The following NR3C2 variants were observed in gnomAD, a reference collection of about 807,000 sequenced individuals.
The protein encoded by NR3C2 is nuclear receptor subfamily 3 group C member 2.
NR3C2 carries 15 observed loss-of-function variants against 86.4 expected under a neutral mutation model. The ratio of observed to expected loss-of-function variants is 0.17; its 90% CI spans 0.12 to 0.27. The LOEUF is 0.27. NR3C2 is among the 10% of genes least tolerant of loss of function. The pLI, the probability that NR3C2 is intolerant of heterozygous loss-of-function variation, is 1.00. For missense variants in NR3C2, 960 were observed against 1,195.6 expected, an observed-to-expected ratio of 0.80 and a Z score of 2.91; for synonymous variants, 458 against 450.5, an observed-to-expected ratio of 1.02 and a Z score of -0.21.
At chr4:148,123,604 G>T (rs555357992) in intron 6 of NR3C2, among the ~76,000 whole-genome samples, 1 of 152,284 alleles carries the variant, frequency 6.6e-6, no homozygotes, top group African/African-American at 2.4e-5. Flanking sequence ...ACCCCCAGTG[G>T]CCCAGCTGTA....
intron 7 of NR3C2, among the ~76,000 whole-genome samples, 153 bp downstream of exon 7, chr4:148,120,005 A>G (rs1272943129): frequency 6.6e-6 from 1 of 152,166 alleles, no homozygotes; most frequent in African/African-American, 2.4e-5. Flanking sequence ...TTAGTTCATC[A>G]AAGGTCAAAG....
intron 6 of NR3C2, among the ~76,000 whole-genome samples, chr4:148,140,590 G>A (rs540596716): frequency 2.0e-5 from 3 of 152,278 alleles, no homozygotes; most frequent in Middle Eastern, 3.4e-3. Flanking sequence ...GAAAAGAAGA[G>A]TATTTTTAGC....
upstream of NR3C2, chr4:148,444,594 T>TGCC (rs1750500216): frequency 7.1e-6 from 7 of 988,240 alleles, no homozygotes; most frequent in South Asian, 4.6e-5. Context: ...CCGCCGCTGC[T>TGCC]GCCGCCGCCA....
At chr4:148,445,096 C>T, upstream of NR3C2, 2 of 703,646 alleles carry the variant, frequency 2.8e-6, no homozygotes, top group Non-Finnish European at 3.5e-6. Context: ...GGCAGCCGCC[C>T]TCCCACTACG....
rs371630434 is a variant in NR3C2 at position 148,359,916 on chromosome 4, C to A, written c.1757+75188G>T. The stretch of plus-strand genomic sequence containing the variant: ...GGCTGGAGCCAGGTGAGCATTCAGG[C>A]TGAGAAAATAAGGCAGGAATAGGTG... On this transcript the variant is annotated intron_variant, in intron 2 of 8. Transcript: ENST00000358102. Among the ~76,000 whole-genome samples the A allele has an allele frequency of 6.6e-5, 10 of 152,278 alleles. No homozygotes were observed. The East Asian group carries it at 1.5e-3, about 24-fold the overall frequency.
At chr4:148,331,336 G>A (rs915615707) in intron 2 of NR3C2, among the ~76,000 whole-genome samples, 1 of 152,160 alleles carries the variant, frequency 6.6e-6, no homozygotes, top group Non-Finnish European at 1.5e-5. Context: ...AAAAGAATTT[G>A]CAGAGCAAGA....
chr4:148,269,657 AC>A (rs1740575469), intron 2 of NR3C2, among the ~76,000 whole-genome samples: 1 of 152,096 alleles, frequency 6.6e-6, no homozygotes, highest in Non-Finnish European at 1.5e-5. Flanking sequence ...CCCCAAAAAA[AC>A]AAAACAAAAC....
chr4:148,299,710 A>C (rs887314992), intron 2 of NR3C2, among the ~76,000 whole-genome samples: 8 of 152,242 alleles, frequency 5.3e-5, no homozygotes, highest in Admixed American at 6.5e-5. Flanking sequence ...GCATAAGAAT[A>C]AGAGGTTCTT....
intron 3 of NR3C2, among the ~76,000 whole-genome samples, chr4:148,243,697 T>A (rs930249619): frequency 6.6e-6 from 1 of 152,196 alleles, no homozygotes; most frequent in African/African-American, 2.4e-5. Context: ...CATGAGTAGT[T>A]CCCTGCTACC....
rs968943853 is a variant in NR3C2 at position 148,152,477 on chromosome 4, G to C, written c.2502C>G (p.Val834=). ...SQFLYFAPDL[V]FNEEKMHQSA... is the part of the protein sequence containing the mutation. ...AATTAATAGGTACTTACTCATTAAA[G>C]ACTAGGTCTGGTGCAAAATAGAGAA... Residue 834 remains valine, a synonymous_variant, in exon 6 of 9, where the codon GTC becomes GTG. Coordinates refer to ENST00000358102, the MANE Select transcript of NR3C2 (RefSeq NM_000901.5). The C allele has an allele frequency of 6.2e-7, 1 of 1,613,882 alleles. No homozygotes were observed. Among genetic ancestry groups the C allele is most frequent in the Non-Finnish European group, 8.5e-7 (1 of 1,179,870 alleles).
chr4:148,373,964 C>T (rs371952723), intron 2 of NR3C2, among the ~76,000 whole-genome samples: 2 of 152,208 alleles, frequency 1.3e-5, no homozygotes, highest in East Asian at 1.9e-4. Context: ...GACAACAGAA[C>T]CAGGATTTAA....
In NR3C2 at chr4:148,194,810, A is replaced by G; in HGVS notation, c.1950T>C (p.Ile650=). 2 of 1,612,680 alleles carry G rather than the reference A, an allele frequency of 1.2e-6. No homozygotes were observed. The highest frequency in any genetic ancestry group is 1.7e-6 in the Non-Finnish European group (2 of 1,179,856). ...TGCAAGCAGGACAATTCTTTCGTCG[A>G]ATCTTATCAATGATGCAATCATTTC... ...AGRNDCIIDK[I]RRKNCPACRL... The change falls in exon 4 of 9, where the codon ATT becomes ATC. Residue 650 remains isoleucine (I), a synonymous_variant. Transcript: ENST00000358102.
chr4:148,438,212 C>T (rs2126662070), intron 1 of NR3C2, among the ~76,000 whole-genome samples: 1 of 152,206 alleles, frequency 6.6e-6, no homozygotes, highest in South Asian at 2.1e-4. Flanking sequence ...ATTGCTAAGG[C>T]GTTTAGCAGT....
chr4:148,350,924 A>G (rs1745241988), intron 2 of NR3C2, among the ~76,000 whole-genome samples: 2 of 152,210 alleles, frequency 1.3e-5, no homozygotes, highest in Non-Finnish European at 2.9e-5. Flanking sequence ...ACAACCCTGA[A>G]TGCTAAAATA....
chr4:148,082,340 T>C (rs973702510), intron 8 of NR3C2, among the ~76,000 whole-genome samples: 4 of 152,166 alleles, frequency 2.6e-5, no homozygotes, highest in African/African-American at 7.2e-5. Context: ...AGGTGGGTGA[T>C]TGCTGCATTT....
intron 2 of NR3C2, among the ~76,000 whole-genome samples, chr4:148,343,882 G>A (rs555564567): frequency 6.6e-6 from 1 of 152,208 alleles, no homozygotes; most frequent in African/African-American, 2.4e-5. Context: ...TAGAAAGACA[G>A]GTTGCAGAGT....
Position 148,435,567 on chromosome 4 carries a change from T to C in NR3C2, c.1294A>G (p.Thr432Ala). The C allele has an allele frequency of 6.2e-7, 1 of 1,614,158 alleles. No individual in the cohort carries two copies. The highest frequency in any genetic ancestry group is 8.5e-7 in the Non-Finnish European group (1 of 1,180,034). Residue 432 changes from threonine (T) to alanine (A), a missense_variant, in exon 2 of 9, where the codon ACC becomes GCC. Around this residue, in one of 4 missense-constraint regions of NR3C2, gnomAD observed 680 missense variants for 719.0 expected, o/e 0.95. Coordinates refer to ENST00000358102, the MANE Select transcript of NR3C2 (RefSeq NM_000901.5). The part of the protein sequence containing the change: ...SFSVPIKQES[T>A]KHSCSGTSFK... ...GAGGTGCCTGAACATGAATGCTTGG[T>C]TGATTCTTGCTTTATTGGTACTGAG...
intron 2 of NR3C2, among the ~76,000 whole-genome samples, chr4:148,298,057 A>G (rs1382407271): frequency 6.6e-6 from 1 of 152,206 alleles, no homozygotes; most frequent in Non-Finnish European, 1.5e-5. Context: ...GACTAAACAC[A>G]TATCTGCCTC....
At chr4:148,383,226 A>G (rs1747090445) in intron 2 of NR3C2, among the ~76,000 whole-genome samples, 2 of 152,190 alleles carry the variant, frequency 1.3e-5, no homozygotes, top group Non-Finnish European at 2.9e-5. Context: ...GCAATTTTGA[A>G]TGATTTTTTA....
Sources: allele counts gnomAD v4.1 joint callset (sites outside exome capture counted in the v4.1 genomes callset), GRCh38; gene constraint gnomAD v4.1.1; regional missense constraint gnomAD v4.1.1; transcripts MANE v1.5; gene names NCBI Gene and HGNC (gene_info 2026-07-23, HGNC 2026-07-21).